GRIA4: variants seen among roughly 807,000 people sequenced by gnomAD.
The protein encoded by GRIA4 is glutamate receptor 4.
GRIA4 carries 34 observed loss-of-function variants against 104.0 expected under a neutral mutation model. The observed-to-expected ratio is 0.33, with a 90% CI of 0.25 to 0.44. GRIA4 has a LOEUF of 0.44. GRIA4 is among the 20% of genes least tolerant of loss of function. The pLI is 1.00. For synonymous variants in GRIA4, 386 were observed against 381.9 expected (o/e 1.01, Z -0.13); for missense variants, 750 against 1,096.5 (o/e 0.68, Z 4.46).
intron 13 of GRIA4, among the ~76,000 whole-genome samples, chr11:105,927,564 AC>A (rs1484735616): frequency 2.0e-5 from 3 of 152,116 alleles, no homozygotes; most frequent in African/African-American, 7.2e-5. Flanking sequence ...TAATTGTATT[AC>A]ATATATGGAT....
intron 3 of GRIA4, among the ~76,000 whole-genome samples, chr11:105,716,155 A>G (rs1004365607): frequency 2.6e-5 from 4 of 152,172 alleles, no homozygotes; most frequent in African/African-American, 9.6e-5. Context: ...TTTTTCACAT[A>G]TGCAAGAACT....
intron 12 of GRIA4, among the ~76,000 whole-genome samples, chr11:105,925,029 T>A (rs1370725005): frequency 6.6e-6 from 1 of 152,176 alleles, no homozygotes; most frequent in East Asian, 1.9e-4. Flanking sequence ...ATTTCATTCA[T>A]TGGTTTGACA....
At chr11:105,876,512 G>T (rs1464028360) in intron 5 of GRIA4, among the ~76,000 whole-genome samples, 1 of 152,068 alleles carries the variant, frequency 6.6e-6, no homozygotes, top group African/African-American at 2.4e-5. Context: ...TTGACAGTGG[G>T]GTGTTAAATT....
chr11:105,640,916 C>T (rs529001208), intron 3 of GRIA4, among the ~76,000 whole-genome samples: 3 of 151,892 alleles, frequency 2.0e-5, no homozygotes, highest in South Asian at 2.1e-4. Context: ...ATTCCTTTAA[C>T]GTGTAAAAAT....
At chr11:105,740,147 CTGAGT>C (rs558568636) in intron 3 of GRIA4, among the ~76,000 whole-genome samples, 88 of 152,258 alleles carry the variant, frequency 5.8e-4, no homozygotes, top group South Asian at 4.6e-3. Flanking sequence ...AATGTCTTAA[CTGAGT>C]TAAGATTGTT....
chr11:105,825,841 T>C (rs898641339), intron 4 of GRIA4, among the ~76,000 whole-genome samples: 1 of 152,018 alleles, frequency 6.6e-6, no homozygotes, highest in African/African-American at 2.4e-5. Context: ...ACATTCCTAG[T>C]ACAGGCATAC....
At chr11:105,753,244 T>C (rs1357620187) in intron 4 of GRIA4, 24 bp downstream of exon 4, 1 of 1,609,218 alleles carries the variant, frequency 6.2e-7, no homozygotes, top group Non-Finnish European at 8.5e-7. Flanking sequence ...CTTCATCTAT[T>C]AGAGCAAAAC....
At chr11:105,845,691 G>T (rs945870936) in intron 4 of GRIA4, among the ~76,000 whole-genome samples, 2 of 152,110 alleles carry the variant, frequency 1.3e-5, no homozygotes, top group Non-Finnish European at 2.9e-5. Context: ...AGACCATCCT[G>T]GCTAATACGG....
At chr11:105,701,370 G>A (rs1018102213) in intron 3 of GRIA4, among the ~76,000 whole-genome samples, 2 of 152,130 alleles carry the variant, frequency 1.3e-5, no homozygotes, top group African/African-American at 4.8e-5. Context: ...AAGATGATAT[G>A]GGATAGGATA....
intron 3 of GRIA4, among the ~76,000 whole-genome samples, chr11:105,625,719 A>AT (rs914552515): frequency 6.6e-6 from 1 of 152,080 alleles, no homozygotes; most frequent in Non-Finnish European, 1.5e-5. Flanking sequence ...TGTACGTATA[A>AT]AGAGTTGTCC....
intron 3 of GRIA4, among the ~76,000 whole-genome samples, chr11:105,731,679 T>C (rs1272250235): frequency 2.0e-5 from 3 of 152,172 alleles, no homozygotes; most frequent in East Asian, 1.9e-4. Flanking sequence ...ATATACACCA[T>C]GGAATACTAT....
intron 3 of GRIA4, among the ~76,000 whole-genome samples, chr11:105,676,315 T>A (rs1038562847): frequency 6.6e-6 from 1 of 151,696 alleles, no homozygotes. Flanking sequence ...CTTGCCCAAG[T>A]ACACAGGAGG....
chr11:105,678,471 T>C (rs1952610343), intron 3 of GRIA4, among the ~76,000 whole-genome samples: 1 of 152,094 alleles, frequency 6.6e-6, no homozygotes, highest in Admixed American at 6.6e-5. Flanking sequence ...TGCTTTTCTA[T>C]TTCAATTTTC....
intron 4 of GRIA4, among the ~76,000 whole-genome samples, chr11:105,841,693 G>A (rs1224909832): frequency 6.6e-6 from 1 of 152,100 alleles, no homozygotes; most frequent in Non-Finnish European, 1.5e-5. Context: ...ATAAAGACTT[G>A]GCAAGTCCAG....
At chr11:105,904,043 A>G in intron 8 of GRIA4, 62 bp downstream of exon 8, 1 of 1,122,118 alleles carries the variant, frequency 8.9e-7, no homozygotes, top group Non-Finnish European at 1.3e-6. Context: ...TGAATGTTCA[A>G]AAAACAGACT....
intron 5 of GRIA4, among the ~76,000 whole-genome samples, chr11:105,869,691 A>G (rs1171516799): frequency 6.6e-6 from 1 of 152,096 alleles, no homozygotes; most frequent in Non-Finnish European, 1.5e-5. Flanking sequence ...TATAAATTAT[A>G]CAGTATTTAT....
At chr11:105,777,931 A>G (rs1031369379) in intron 4 of GRIA4, among the ~76,000 whole-genome samples, 15 of 152,286 alleles carry the variant, frequency 9.8e-5, no homozygotes, top group African/African-American at 3.6e-4. Context: ...CTGAATGAAG[A>G]ACCATCCGGG....
At chr11:105,649,199 C>A (rs1282404694) in intron 3 of GRIA4, among the ~76,000 whole-genome samples, 1 of 151,832 alleles carries the variant, frequency 6.6e-6, no homozygotes, top group Non-Finnish European at 1.5e-5. Context: ...AGGAAGAAAT[C>A]AATAGAAATG....
intron 14 of GRIA4, among the ~76,000 whole-genome samples, chr11:105,967,244 T>A (rs1405505950): frequency 6.6e-6 from 1 of 152,092 alleles, no homozygotes; most frequent in Non-Finnish European, 1.5e-5. Flanking sequence ...TCCACAAATA[T>A]AAATAATGAA....
Sources: gnomAD v4.1 joint callset for allele counts (sites outside exome capture counted in the v4.1 genomes callset) on GRCh38, gnomAD v4.1.1 for gene constraint, MANE v1.5 for transcripts, NCBI Gene and HGNC (gene_info 2026-07-23, HGNC 2026-07-21) for gene names.